MRTFA: variants seen among roughly 807,000 people sequenced by gnomAD.
MRTFA encodes myocardin-related transcription factor A.
MRTFA carries 20 observed loss-of-function variants against 83.5 expected under a neutral mutation model. That is an observed-to-expected ratio of 0.24 (90% CI 0.17 to 0.35). The LOEUF (loss-of-function observed/expected upper bound fraction) is 0.35. Among genes scored for constraint, MRTFA ranks in the 10% least tolerant of loss-of-function variants. MRTFA has a pLI of 1.00. For missense variants in MRTFA, 1,200 were observed against 1,224.7 expected (o/e 0.98, Z 0.30); for synonymous variants, 659 against 541.2 (o/e 1.22, Z -3.02).
intron 4 of MRTFA, among the ~76,000 whole-genome samples, chr22:40,458,370 T>C (rs1323260730): frequency 6.6e-6 from 1 of 152,220 alleles, no homozygotes; most frequent in Non-Finnish European, 1.5e-5. Flanking sequence ...TGAGATGCTA[T>C]GATCAGAGCA....
At chr22:40,471,233 A>C (rs1423010327) in intron 3 of MRTFA, among the ~76,000 whole-genome samples, 4 of 145,494 alleles carry the variant, frequency 2.7e-5, no homozygotes, top group East Asian at 2.0e-4. Context: ...AAAAAAAAAA[A>C]AAAAAAAAAA....
At chr22:40,608,083 G>A (rs2056340029) in intron 1 of MRTFA, among the ~76,000 whole-genome samples, 1 of 152,150 alleles carries the variant, frequency 6.6e-6, no homozygotes, top group South Asian at 2.1e-4. Context: ...GGAGTGCAGT[G>A]GCACAATCTC....
rs113759032 is a variant in MRTFA, at chr22:40,434,380, TAAAAA to T, written c.363+1114_363+1118del. On this transcript the variant is annotated intron_variant, in intron 5 of 14. Transcript: ENST00000355630. Reference sequence around the variant, plus strand: ...GGGGAGAGGGGAATGAAAGAAAGTTTAAAAAAAAAAAAAAAAAGTCTTGGAGGTAA... The same window carrying T: ...GGGGAGAGGGGAATGAAAGAAAGTTTAAAAAAAAAAAAGTCTTGGAGGTAA... 3.8e-5 allele frequency among the ~76,000 whole-genome samples: 5 copies of T among 133,026 alleles called. No individual in the cohort carries two copies. In the East Asian group the frequency reaches 1.1e-3, roughly 28 times the overall value. The allele number at this position is 133,026 out of a possible 152,430, so 87.3% of individuals were successfully genotyped here. A position where few individuals can be genotyped will look rare whatever the true frequency, so the allele number is the denominator to read the frequency against.
chr22:40,432,944 A>G (rs1220504369), intron 5 of MRTFA, among the ~76,000 whole-genome samples: 2 of 152,226 alleles, frequency 1.3e-5, no homozygotes, highest in Non-Finnish European at 2.9e-5. Flanking sequence ...AGCTCTGACC[A>G]GTGGCCATGA....
At chr22:40,475,014 T>A (rs1028026728) in intron 3 of MRTFA, among the ~76,000 whole-genome samples, 3 of 151,992 alleles carry the variant, frequency 2.0e-5, no homozygotes, top group Non-Finnish European at 2.9e-5. Flanking sequence ...AATTTTTGTA[T>A]TTTTAGTAGA....
chr22:40,570,039 ACTG>A (rs1416508177), intron 2 of MRTFA: 1 of 152,580 alleles, frequency 6.6e-6, no homozygotes, highest in Non-Finnish European at 1.5e-5. Context: ...GGGGAAGAAA[ACTG>A]CAGCAGCAGG....
intron 2 of MRTFA, among the ~76,000 whole-genome samples, chr22:40,584,057 CAG>C (rs752257752): frequency 4.0e-5 from 6 of 151,338 alleles, no homozygotes; most frequent in African/African-American, 7.2e-5. Flanking sequence ...TCGAGTGTGA[CAG>C]ATTAAAATTT....
At chr22:40,593,130 G>A (rs558133485) in intron 2 of MRTFA, among the ~76,000 whole-genome samples, 4 of 151,932 alleles carry the variant, frequency 2.6e-5, no homozygotes, top group Non-Finnish European at 4.4e-5. Context: ...TTTCAAACCC[G>A]CCAGTCTCCA....
intron 3 of MRTFA, chr22:40,521,686 TA>T (rs913285950): frequency 2.0e-5 from 3 of 151,868 alleles, no homozygotes; most frequent in African/African-American, 7.3e-5. Context: ...TTAGTATAGA[TA>T]GGGTTTTACC....
At chr22:40,510,594 A>C (rs537951651) in intron 3 of MRTFA, among the ~76,000 whole-genome samples, 51 of 152,294 alleles carry the variant, frequency 3.3e-4, no homozygotes, top group South Asian at 6.2e-4. Flanking sequence ...ATCATTAAAT[A>C]AAAATTATTA....
chr22:40,487,788 G>A (rs1198978429), intron 3 of MRTFA, among the ~76,000 whole-genome samples: 2 of 152,182 alleles, frequency 1.3e-5, no homozygotes, highest in Non-Finnish European at 2.9e-5. Context: ...TTAGGACAGA[G>A]TGCTCAAAAT....
chr22:40,551,363 ATTTG>A (rs907003255), intron 3 of MRTFA, among the ~76,000 whole-genome samples: 32 of 152,026 alleles, frequency 2.1e-4, no homozygotes, highest in East Asian at 1.2e-3. Flanking sequence ...CTTATTTATT[ATTTG>A]TTTGTTTGTT....
intron 3 of MRTFA, among the ~76,000 whole-genome samples, chr22:40,466,685 C>T (rs1602290895): frequency 6.6e-6 from 1 of 152,162 alleles, no homozygotes; most frequent in Non-Finnish European, 1.5e-5. Flanking sequence ...TAAGTCTGAA[C>T]ACTTCAAAGA....
rs538918165 is a variant in MRTFA, at chr22:40,556,926, G to C, written c.-21-4559C>G. 2.4e-4 allele frequency among the ~76,000 whole-genome samples: 36 copies of C among 152,286 alleles called. No individual in the cohort carries two copies. The South Asian group carries it at 7.3e-3, about 31-fold the overall frequency. On this transcript the variant is annotated intron_variant, in intron 2 of 14. Coordinates refer to ENST00000355630, the MANE Select transcript of MRTFA (RefSeq NM_020831.6). Reference sequence around the variant, plus strand: ...AACCTCCTTATTCAAAAGGAAAATAGAATGGTATCAAAACTTCAGCCCTAG... The same window carrying C: ...AACCTCCTTATTCAAAAGGAAAATACAATGGTATCAAAACTTCAGCCCTAG...
chr22:40,553,718 G>A (rs982708523), intron 2 of MRTFA, among the ~76,000 whole-genome samples: 1 of 152,138 alleles, frequency 6.6e-6, no homozygotes, highest in Non-Finnish European at 1.5e-5. Flanking sequence ...GGGTCGGAGC[G>A]CCCACACAGA....
intron 1 of MRTFA, among the ~76,000 whole-genome samples, chr22:40,625,225 A>C (rs1396296105): frequency 6.6e-6 from 1 of 152,060 alleles, no homozygotes; most frequent in African/African-American, 2.4e-5. Flanking sequence ...CATGCCTGTA[A>C]TCCCAACATT....
At chr22:40,454,142 TGG>T (rs1293364134) in intron 4 of MRTFA, among the ~76,000 whole-genome samples, 1 of 152,070 alleles carries the variant, frequency 6.6e-6, no homozygotes, top group Non-Finnish European at 1.5e-5. Context: ...TCCTTTTGGG[TGG>T]GGGTGTGAGG....
chr22:40,461,255 T>A (rs566505214), intron 4 of MRTFA, among the ~76,000 whole-genome samples: 1 of 150,194 alleles, frequency 6.7e-6, no homozygotes, highest in East Asian at 2.0e-4. Flanking sequence ...GACCCCAGGC[T>A]TCTTACACTT....
At chr22:40,572,338 A>T (rs1484826169) in intron 2 of MRTFA, among the ~76,000 whole-genome samples, 1 of 152,182 alleles carries the variant, frequency 6.6e-6, no homozygotes, top group Non-Finnish European at 1.5e-5. Context: ...TGCCAGGTGC[A>T]GAGGTGCACA....
Sources: gnomAD v4.1 joint callset for allele counts (sites outside exome capture counted in the v4.1 genomes callset) on GRCh38, gnomAD v4.1.1 for gene constraint, MANE v1.5 for transcripts, NCBI Gene and HGNC (gene_info 2026-07-23, HGNC 2026-07-21) for gene names.